Variants in CAST observed in about 807,000 individuals in gnomAD.
CAST encodes the protein MIR583 host.
A neutral mutation model predicts 119.6 loss-of-function variants in CAST; 76 were observed. That is an observed-to-expected ratio of 0.64 (90% CI 0.53 to 0.77). The LOEUF (loss-of-function observed/expected upper bound fraction) is 0.77, where lower values mean the gene tolerates loss of function less well. Among genes scored for constraint, CAST ranks in the 30% least tolerant of loss-of-function variants. The pLI, the probability that CAST is intolerant of heterozygous loss-of-function variation, is 0.00. For synonymous variants in CAST, 319 were observed against 331.6 expected (o/e 0.96, Z 0.41); for missense variants, 953 against 946.5 (o/e 1.01, Z -0.09).
intron 1 of CAST, among the ~76,000 whole-genome samples, chr5:96,650,728 TTGTGTGTGTG>T (rs34230121): frequency 3.5e-5 from 5 of 142,160 alleles, no homozygotes; most frequent in South Asian, 2.4e-4. Context: ...ACCCACTTAA[TTGTGTGTGTG>T]TGTGTGTGTG....
chr5:96,272,982 A>G, the CAST span, among the ~76,000 whole-genome samples: 1 of 152,250 alleles, frequency 6.6e-6, no homozygotes, highest in Admixed American at 6.5e-5. Flanking sequence ...AGGTTCAAGG[A>G]AAATAATGCA....
chr5:96,284,263 C>A, the CAST span, among the ~76,000 whole-genome samples: 2 of 152,182 alleles, frequency 1.3e-5, no homozygotes, highest in Non-Finnish European at 2.9e-5. Flanking sequence ...ACAGAGTCCT[C>A]CCAGAATAAC....
the CAST span, among the ~76,000 whole-genome samples, chr5:96,290,251 A>G: frequency 6.6e-6 from 1 of 152,296 alleles, no homozygotes; most frequent in Non-Finnish European, 1.5e-5. Flanking sequence ...AGGCACAGAA[A>G]CAAAGAGTAG....
rs145043743 is a variant in CAST at position 96,573,393 on chromosome 5, G to A, written c.60+43513G>A. 9.2e-5 allele frequency among the ~76,000 whole-genome samples: 14 copies of A among 152,244 alleles called. No homozygotes were observed. In the East Asian group the frequency reaches 1.9e-3, roughly 21 times the overall value. ...CACCTGTAATCCCAACACTTTGGGAGGCTGAGGCAGGAGGATTGCTTGAGT... is the reference window on the plus strand; with the variant it reads ...CACCTGTAATCCCAACACTTTGGGAAGCTGAGGCAGGAGGATTGCTTGAGT... On this transcript the variant is annotated intron_variant, in intron 1 of 11. Coordinates refer to the CAST transcript ENST00000505143.
the CAST span, among the ~76,000 whole-genome samples, chr5:96,329,304 A>G: frequency 6.6e-6 from 1 of 152,242 alleles, no homozygotes; most frequent in Non-Finnish European, 1.5e-5. Context: ...AAATGTCAGC[A>G]TATTACTTCT....
the CAST span, among the ~76,000 whole-genome samples, chr5:96,258,077 T>TA: frequency 6.6e-6 from 1 of 151,910 alleles, no homozygotes; most frequent in Non-Finnish European, 1.5e-5. Flanking sequence ...CTCATTTTTT[T>TA]GAAAAAAAAA....
chr5:96,112,322 C>T, the CAST span, among the ~76,000 whole-genome samples: 1 of 152,108 alleles, frequency 6.6e-6, no homozygotes, highest in African/African-American at 2.4e-5. Flanking sequence ...GAAGTAATAA[C>T]CAGCCTTGTA....
the CAST span, among the ~76,000 whole-genome samples, chr5:96,074,514 C>T: frequency 6.6e-6 from 1 of 152,202 alleles, no homozygotes; most frequent in East Asian, 1.9e-4. Flanking sequence ...TATGCTTGTA[C>T]CCTTATCTCA....
the CAST span, chr5:96,395,056 GT>G: frequency 6.5e-7 from 1 of 1,528,130 alleles, no homozygotes; most frequent in Non-Finnish European, 9.1e-7. Context: ...CATTTAGTAT[GT>G]GTTTTAGATA....
At chr5:95,962,176 G>C in the CAST span, 4 of 282,250 alleles carry the variant, frequency 1.4e-5, no homozygotes, top group Non-Finnish European at 2.6e-5. Flanking sequence ...GCCTGGTCTG[G>C]TTACCTGGAG....
At chr5:96,741,392 T>C in intron 14 of CAST, 34 bp downstream of exon 14, 1 of 1,523,390 alleles carries the variant, frequency 6.6e-7, no homozygotes, top group Non-Finnish European at 9.1e-7. Flanking sequence ...GGAAACTTGT[T>C]AGGAACTATT....
the CAST span, among the ~76,000 whole-genome samples, chr5:96,024,155 TG>T: frequency 6.6e-6 from 1 of 152,204 alleles, no homozygotes; most frequent in Non-Finnish European, 1.5e-5. Context: ...TCCACCTGTT[TG>T]TTCTTCCTCT....
At chr5:96,706,770 G>A (rs976665638) in intron 3 of CAST, among the ~76,000 whole-genome samples, 5 of 152,212 alleles carry the variant, frequency 3.3e-5, no homozygotes, top group African/African-American at 1.2e-4. Flanking sequence ...TGCATGTGCT[G>A]TTTTGTGGAA....
At chr5:96,466,795 A>G in the CAST span, among the ~76,000 whole-genome samples, 19 of 152,126 alleles carry the variant, frequency 1.2e-4, no homozygotes, top group African/African-American at 4.3e-4. Context: ...TTTGCAATGC[A>G]TGCAATGGAA....
chr5:96,048,577 G>A, the CAST span, among the ~76,000 whole-genome samples: 1 of 152,140 alleles, frequency 6.6e-6, no homozygotes, highest in Non-Finnish European at 1.5e-5. Context: ...GGGGCTGTGG[G>A]TAGGAATTAC....
the CAST span, among the ~76,000 whole-genome samples, chr5:96,492,132 A>G: frequency 4.7e-3 from 710 of 149,850 alleles, 6 homozygotes; most frequent in African/African-American, 0.016. Context: ...GTCTTTATGT[A>G]TGCATGCATG....
At chr5:96,244,076 C>G in the CAST span, among the ~76,000 whole-genome samples, 1 of 152,196 alleles carries the variant, frequency 6.6e-6, no homozygotes, top group Non-Finnish European at 1.5e-5. Context: ...AATATTCTGA[C>G]CACACTGCCC....
chr5:96,130,449 GA>G, the CAST span, among the ~76,000 whole-genome samples: 11 of 144,396 alleles, frequency 7.6e-5, no homozygotes, highest in South Asian at 2.2e-4. Context: ...AGGACATTAG[GA>G]AAAAAAAAAA....
At chr5:96,655,170 A>G (rs1748142894) in intron 1 of CAST, among the ~76,000 whole-genome samples, 1 of 152,232 alleles carries the variant, frequency 6.6e-6, no homozygotes, top group Non-Finnish European at 1.5e-5. Flanking sequence ...TGTGGGGCAG[A>G]GTGATGAGCA....
Sources: allele counts gnomAD v4.1 joint callset (sites outside exome capture counted in the v4.1 genomes callset), GRCh38; gene constraint gnomAD v4.1.1; transcripts MANE v1.5; gene names NCBI Gene and HGNC (gene_info 2026-07-23, HGNC 2026-07-21).